Variants in NFKB1 observed in about 807,000 individuals in gnomAD.
The protein encoded by NFKB1 is nuclear factor NF-kappa-B p105 subunit.
A neutral mutation model predicts 105.1 loss-of-function variants in NFKB1; 9 were observed. The observed-to-expected ratio is 0.09, with a 90% CI of 0.05 to 0.15. The LOEUF (loss-of-function observed/expected upper bound fraction) is 0.15, where lower values mean the gene tolerates loss of function less well. Ranked by LOEUF, NFKB1 falls within the 10% of genes least tolerant of loss-of-function variation. The probability of loss-of-function intolerance (pLI) is 1.00; values close to 1 mark genes in which losing one functional copy is unlikely to be tolerated. For missense variants in NFKB1, 830 were observed against 1,203.7 expected (o/e 0.69, Z 4.59); for synonymous variants, 440 against 442.2 (o/e 1.00, Z 0.06).
rs766073112 is a variant in NFKB1 at position 102,616,647 on chromosome 4, G to A, written c.*53G>A. ...AACCAAAGCCCTAAAATTCCACTGC[G>A]TTGTCCACAAGACAGAAGCTGAAGT... On this transcript the variant is annotated 3_prime_UTR_variant, in exon 24 of 24. Coordinates refer to ENST00000226574, the MANE Select transcript of NFKB1 (RefSeq NM_003998.4). The A allele has an allele frequency of 1.6e-5, 26 of 1,579,854 alleles. No homozygotes were observed. Among genetic ancestry groups the A allele is most frequent in the Admixed American group, 5.1e-5 (3 of 58,594 alleles).
chr4:102,519,624 A>C (rs983053860), intron 1 of NFKB1, among the ~76,000 whole-genome samples: 9 of 152,066 alleles, frequency 5.9e-5, no homozygotes, highest in African/African-American at 2.2e-4. Context: ...AGGCTGTGCT[A>C]TGGGTAGACT....
chr4:102,602,936 T>C lies in NFKB1; in HGVS notation c.1752+1927T>C, dbSNP rs372556262. Among the ~76,000 whole-genome samples, 17 of 152,350 alleles carry C rather than the reference T, an allele frequency of 1.1e-4. No homozygotes were observed. In the South Asian group the frequency reaches 3.5e-3, roughly 32 times the overall value. On this transcript the variant is annotated intron_variant, in intron 16 of 23. Coordinates refer to ENST00000226574, the MANE Select transcript of NFKB1 (RefSeq NM_003998.4). Reference sequence around the variant, plus strand: ...TTGTTCCTTGTAGTCATCACAAATCTATGAATAAAACCAGGAATGGGACAT... The same window carrying C: ...TTGTTCCTTGTAGTCATCACAAATCCATGAATAAAACCAGGAATGGGACAT...
intron 1 of NFKB1, among the ~76,000 whole-genome samples, chr4:102,519,359 A>T (rs563745612): frequency 1.6e-4 from 23 of 147,748 alleles, no homozygotes; most frequent in African/African-American, 5.4e-4. Flanking sequence ...TATAGTTTTA[A>T]TATGTAAGTA....
intron 12 of NFKB1, among the ~76,000 whole-genome samples, chr4:102,594,307 T>A (rs1026001828): frequency 2.0e-5 from 3 of 152,230 alleles, no homozygotes; most frequent in Non-Finnish European, 4.4e-5. Context: ...TATAAAATGC[T>A]ATACTGAACC....
intron 6 of NFKB1, among the ~76,000 whole-genome samples, chr4:102,575,445 T>G (rs776359439): frequency 6.6e-6 from 1 of 152,142 alleles, no homozygotes; most frequent in Non-Finnish European, 1.5e-5. Context: ...CTAATTTTTT[T>G]TTTCTTTCTT....
intron 1 of NFKB1, among the ~76,000 whole-genome samples, chr4:102,519,146 A>G (rs558734587): frequency 6.6e-6 from 1 of 152,000 alleles, no homozygotes; most frequent in South Asian, 2.1e-4. Flanking sequence ...AGGCATAAAT[A>G]TTTTTAGGTG....
At chr4:102,614,659 G>T (rs1728770743) in intron 23 of NFKB1, among the ~76,000 whole-genome samples, 1 of 152,100 alleles carries the variant, frequency 6.6e-6, no homozygotes, top group Non-Finnish European at 1.5e-5. Flanking sequence ...CACATTGCCA[G>T]ATCTGGTCAC....
At chr4:102,512,646 T>C (rs1015874997) in intron 1 of NFKB1, among the ~76,000 whole-genome samples, 8 of 152,198 alleles carry the variant, frequency 5.3e-5, no homozygotes, top group African/African-American at 1.9e-4. Flanking sequence ...CACCCAGCCA[T>C]GTATATGTTA....
At position 102,611,895 on chromosome 4, in the gene NFKB1, G is replaced by A. The variant is rs56207297; in HGVS notation, c.2353-149G>A. Reference sequence around the variant, plus strand: ...CCCAAAGGGTACCATATTCTTGGAGGGTGGTCCTGATTCCTCTTGCCATTC... The same window carrying A: ...CCCAAAGGGTACCATATTCTTGGAGAGTGGTCCTGATTCCTCTTGCCATTC... On this transcript the variant is annotated intron_variant, in intron 20 of 23. Transcript: ENST00000226574. 4,651 of 633,308 alleles carry A rather than the reference G, an allele frequency of 7.3e-3. 29 individuals are homozygous for A. Among genetic ancestry groups the A allele is most frequent in the Non-Finnish European group, 0.01 (3,751 of 357,246 alleles). 39.2% of individuals were successfully genotyped at this position (633,308 alleles called of 1,614,324 possible).
At position 102,610,670 on chromosome 4, in the gene NFKB1, A is replaced by G; in HGVS notation, c.2323A>G (p.Thr775Ala). 3.1e-6 allele frequency: 5 copies of G among 1,614,064 alleles called. No individual in the cohort carries two copies. The highest frequency in any genetic ancestry group is 4.2e-6 in the Non-Finnish European group (5 of 1,179,960). ...GGATGAAGGAGTTGTGCCTGGAACC[A>G]CGCCTCTAGATATGGCCACCAGCTG... is the stretch of plus-strand genomic sequence containing the variant. The part of the protein sequence containing the change: ...GEDEGVVPGT[T>A]PLDMATSWQV... The change falls in exon 20 of 24, where the codon ACG (threonine) becomes GCG (alanine). Residue 775 changes from threonine to alanine, a missense_variant. By Grantham distance (58) the Thr-to-Ala change is moderately conservative. Transcript: ENST00000226574.
chr4:102,573,548 T>G (rs2149177136), intron 6 of NFKB1, among the ~76,000 whole-genome samples: 1 of 152,240 alleles, frequency 6.6e-6, no homozygotes, highest in African/African-American at 2.4e-5. Context: ...GTGCTTGGGG[T>G]TCATCGAGAT....
chr4:102,506,318 C>T (rs965409874), intron 1 of NFKB1, among the ~76,000 whole-genome samples: 31 of 152,096 alleles, frequency 2.0e-4, no homozygotes, highest in African/African-American at 7.0e-4. Context: ...GAATTGTTAA[C>T]ACTTATCTAA....
rs972536037 is a variant in NFKB1, at chr4:102,593,663, G to C, written c.1210+95G>C. The C allele has an allele frequency of 9.7e-6, 12 of 1,240,276 alleles. No homozygotes were observed. In the African/African-American group the frequency reaches 1.8e-4, roughly 19 times the overall value. The allele number at this position is 1,240,276 out of a possible 1,614,324, so 76.8% of individuals were successfully genotyped here. On this transcript the variant is annotated intron_variant, in intron 12 of 23. Coordinates refer to ENST00000226574, the MANE Select transcript of NFKB1 (RefSeq NM_003998.4). ...TCTGAGCATGTCTGTGAGTTGAGTG[G>C]CTATGATATTATTGAGTATATTAAT... is the stretch of plus-strand genomic sequence containing the variant.
At chr4:102,612,183 A>G in intron 21 of NFKB1, 73 bp downstream of exon 21, 4 of 1,366,930 alleles carry the variant, frequency 2.9e-6, no homozygotes, top group South Asian at 2.4e-5. Flanking sequence ...AGGAACCAGC[A>G]TTATCCAGGG....
intron 16 of NFKB1, among the ~76,000 whole-genome samples, 185 bp downstream of exon 16, chr4:102,601,194 C>A (rs1272416369): frequency 1.3e-5 from 2 of 152,212 alleles, no homozygotes; most frequent in African/African-American, 4.8e-5. Context: ...ATCCTTTGAT[C>A]TGTGGGTATA....
chr4:102,594,756 C>T, intron 12 of NFKB1, 136 bp from the exon 13 acceptor site: 2 of 559,350 alleles, frequency 3.6e-6, no homozygotes, highest in Non-Finnish European at 6.5e-6. Context: ...TTAGTCCCAA[C>T]AGAAAAACCA....
intron 5 of NFKB1, among the ~76,000 whole-genome samples, chr4:102,562,984 G>T (rs1443514832): frequency 6.6e-6 from 1 of 152,094 alleles, no homozygotes; most frequent in Non-Finnish European, 1.5e-5. Flanking sequence ...TCTACATTCT[G>T]CCAAAGTGAT....
Position 102,594,884 on chromosome 4 carries a change from C to T in NFKB1, c.1211-8C>T, listed in dbSNP as rs192833592. On this transcript the variant is annotated splice_region_variant and splice_polypyrimidine_tract_variant and intron_variant, in intron 12 of 23. Coordinates refer to ENST00000226574, the MANE Select transcript of NFKB1 (RefSeq NM_003998.4). The stretch of plus-strand genomic sequence containing the variant: ...ATGATGTTTCATTTGTTTTACTTGC[C>T]GTTTCAGGGTATAGCTTCCCACACT... 396 of 1,597,166 alleles carry T rather than the reference C, an allele frequency of 2.5e-4. 3 individuals carry two copies. The East Asian group carries it at 7.9e-3, about 32-fold the overall frequency.
At chr4:102,552,887 A>G (rs547150926) in intron 5 of NFKB1, among the ~76,000 whole-genome samples, 33 of 152,280 alleles carry the variant, frequency 2.2e-4, no homozygotes, top group African/African-American at 7.9e-4. Context: ...CATAGTACGT[A>G]GATGGTACAA....
Sources: allele counts gnomAD v4.1 joint callset (sites outside exome capture counted in the v4.1 genomes callset), GRCh38; gene constraint gnomAD v4.1.1; transcripts MANE v1.5; gene names NCBI Gene and HGNC (gene_info 2026-07-23, HGNC 2026-07-21).